PRKCQ: variants seen among roughly 807,000 people sequenced by gnomAD.
The protein encoded by PRKCQ is protein kinase C theta type.
A neutral mutation model predicts 91.2 loss-of-function variants in PRKCQ; 41 were observed. The observed-to-expected ratio is 0.45, with a 90% CI of 0.35 to 0.58. The LOEUF (loss-of-function observed/expected upper bound fraction) is 0.58, where lower values mean the gene tolerates loss of function less well. Ranked by LOEUF, PRKCQ falls within the 20% of genes least tolerant of loss-of-function variation. PRKCQ has a pLI of 0.00. For synonymous variants in PRKCQ, 307 were observed against 316.9 expected, an observed-to-expected ratio of 0.97 and a Z score of 0.33; for missense variants, 673 against 896.5, an observed-to-expected ratio of 0.75 and a Z score of 3.18.
intron 1 of PRKCQ, among the ~76,000 whole-genome samples, chr10:6,562,127 G>T (rs1031523640): frequency 1.3e-5 from 2 of 152,134 alleles, no homozygotes; most frequent in African/African-American, 4.8e-5. Context: ...GAGGGATTGA[G>T]GTGGACGCTC....
chr10:6,446,965 G>A (rs927606811), intron 15 of PRKCQ, among the ~76,000 whole-genome samples: 3 of 152,188 alleles, frequency 2.0e-5, no homozygotes, highest in Admixed American at 2.0e-4. Context: ...ACCATGATGT[G>A]CAACTGGGTG....
chr10:6,564,219 C>T (rs577311426), intron 1 of PRKCQ, among the ~76,000 whole-genome samples: 7 of 152,240 alleles, frequency 4.6e-5, no homozygotes, highest in Admixed American at 3.3e-4. Context: ...CAATCATTTT[C>T]GTTTCAGCAA....
At chr10:6,521,921 TGTTA>T (rs1166972455) in intron 1 of PRKCQ, among the ~76,000 whole-genome samples, 2 of 95,986 alleles carry the variant, frequency 2.1e-5, no homozygotes, top group African/African-American at 3.5e-5. Flanking sequence ...TGTTATGTTA[TGTTA>T]TTTATTTATT....
chr10:6,413,948 A>T, the PRKCQ span, among the ~76,000 whole-genome samples: 4 of 152,236 alleles, frequency 2.6e-5, no homozygotes, highest in Non-Finnish European at 5.9e-5. Flanking sequence ...AAACAACCAA[A>T]ATCTAACAAT....
At chr10:6,528,110 C>G (rs1443221346) in intron 1 of PRKCQ, among the ~76,000 whole-genome samples, 2 of 152,036 alleles carry the variant, frequency 1.3e-5, no homozygotes. Flanking sequence ...TCCCTCTTCC[C>G]TCCTGCTTGC....
intron 1 of PRKCQ, among the ~76,000 whole-genome samples, chr10:6,545,068 G>T (rs1262314296): frequency 2.0e-5 from 3 of 151,858 alleles, no homozygotes; most frequent in Non-Finnish European, 1.5e-5. Flanking sequence ...TGGGACTCTG[G>T]GAGTTAATCT....
At chr10:6,552,254 T>C (rs1185133326) in intron 1 of PRKCQ, among the ~76,000 whole-genome samples, 1 of 152,194 alleles carries the variant, frequency 6.6e-6, no homozygotes, top group African/African-American at 2.4e-5. Flanking sequence ...AAAATAACTT[T>C]TTATACATGT....
intron 1 of PRKCQ, among the ~76,000 whole-genome samples, chr10:6,540,932 G>A (rs767746406): frequency 3.9e-5 from 6 of 152,216 alleles, no homozygotes; most frequent in Non-Finnish European, 8.8e-5. Flanking sequence ...TGGGTGTGAA[G>A]CAGAGCTTAT....
chr10:6,534,818 A>G (rs1466744097), intron 1 of PRKCQ, among the ~76,000 whole-genome samples: 1 of 148,640 alleles, frequency 6.7e-6, no homozygotes, highest in Non-Finnish European at 1.5e-5. Context: ...ATATAAACTC[A>G]TTACAAAGAT....
chr10:6,434,030 T>TAAAAAA (rs779037464), intron 16 of PRKCQ, among the ~76,000 whole-genome samples: 2 of 115,660 alleles, frequency 1.7e-5, no homozygotes, highest in South Asian at 3.0e-4. Context: ...CAAGACTCCT[T>TAAAAAA]AAAAAAAAAA....
chr10:6,519,631 T>A (rs539549091), intron 1 of PRKCQ, among the ~76,000 whole-genome samples: 66 of 152,226 alleles, frequency 4.3e-4, no homozygotes, highest in African/African-American at 1.5e-3. Flanking sequence ...CCCAAGCCAG[T>A]TTCAGCAGCT....
intron 13 of PRKCQ, 55 bp downstream of exon 13, chr10:6,464,258 C>A: frequency 6.6e-7 from 1 of 1,505,284 alleles, no homozygotes; most frequent in South Asian, 1.2e-5. Context: ...AAAAAAAAAC[C>A]AGCAAGAACT....
chr10:6,407,364 G>A, the PRKCQ span, among the ~76,000 whole-genome samples: 3 of 151,966 alleles, frequency 2.0e-5, no homozygotes, highest in Non-Finnish European at 2.9e-5. This position sits in a 1 kb window ranked among gnomAD's most constrained non-coding sequence, Gnocchi z 4.0. Context: ...TCAAGTGAGG[G>A]GGAATGACTT....
intron 15 of PRKCQ, among the ~76,000 whole-genome samples, chr10:6,443,274 C>G (rs1209586331): frequency 6.6e-6 from 1 of 152,128 alleles, no homozygotes; most frequent in African/African-American, 2.4e-5. Flanking sequence ...ATGGTAGGAC[C>G]CATCCATGGA....
At chr10:6,516,723 C>A (rs944228995) in intron 1 of PRKCQ, among the ~76,000 whole-genome samples, 1 of 152,130 alleles carries the variant, frequency 6.6e-6, no homozygotes, top group Non-Finnish European at 1.5e-5. Context: ...CTCACAAAGC[C>A]AGAGTTAAAG....
rs773679117 is a variant in PRKCQ, at chr10:6,485,188, C to T, written c.982G>A (p.Ala328Thr). 6.8e-6 allele frequency: 11 copies of T among 1,613,866 alleles called. No homozygotes were observed. The highest frequency in any genetic ancestry group is 1.1e-5 in the South Asian group (1 of 91,068). ...GGTGTCGGTAAACATGGCGGCCTTG[C>T]TTCATTTTTGATGGAGCATGGGAGA... ...IGLPCSIKNE[A>T]RPPCLPTPGK... is the part of the protein sequence containing the mutation. Residue 328 changes from alanine (A) to threonine (T), a missense_variant, in exon 10 of 18, where the codon GCA becomes ACA. By Grantham distance (58) the Ala-to-Thr change is moderately conservative (BLOSUM62 0). Coordinates refer to ENST00000263125, the MANE Select transcript of PRKCQ (RefSeq NM_006257.5).
chr10:6,524,293 A>T (rs546660108), intron 1 of PRKCQ, among the ~76,000 whole-genome samples: 65 of 152,348 alleles, frequency 4.3e-4, no homozygotes, highest in African/African-American at 1.4e-3. Flanking sequence ...AGTAGCTGTC[A>T]GGTGGACAGG....
At chr10:6,406,348 A>C in the PRKCQ span, among the ~76,000 whole-genome samples, 1 of 151,990 alleles carries the variant, frequency 6.6e-6, no homozygotes, top group African/African-American at 2.4e-5. Context: ...AAAGTAGGAA[A>C]AATTTGCACA....
At position 6,452,773 on chromosome 10, in the gene PRKCQ, T is replaced by G. The variant is rs1186287737; in HGVS notation, c.1647+3901A>C. Among the ~76,000 whole-genome samples the G allele has an allele frequency of 8.6e-5, 13 of 150,714 alleles. No individual in the cohort carries two copies. The South Asian group carries it at 2.6e-3, about 30-fold the overall frequency. On this transcript the variant is annotated intron_variant, in intron 15 of 17. Coordinates refer to ENST00000263125, the MANE Select transcript of PRKCQ (RefSeq NM_006257.5). ...GAGCCCTCAGAAATAATGCCACTTATCTACAACTATCTGATCTTTGACAAA... is the reference window on the plus strand; with the variant it reads ...GAGCCCTCAGAAATAATGCCACTTAGCTACAACTATCTGATCTTTGACAAA...
Sources: allele counts gnomAD v4.1 joint callset (sites outside exome capture counted in the v4.1 genomes callset), GRCh38; gene constraint gnomAD v4.1.1; non-coding constraint Gnocchi (gnomAD v3.1); transcripts MANE v1.5; gene names NCBI Gene and HGNC (gene_info 2026-07-23, HGNC 2026-07-21).